The following CLVS1 variants were observed in gnomAD, a reference collection of about 807,000 sequenced individuals.
CLVS1 encodes clavesin-1.
CLVS1 carries 10 observed loss-of-function variants against 33.1 expected under a neutral mutation model. The ratio of observed to expected loss-of-function variants is 0.30; its 90% CI spans 0.19 to 0.51. CLVS1 has a LOEUF of 0.51. CLVS1 is among the 20% of genes least tolerant of loss of function. The pLI is 0.97. For synonymous variants in CLVS1, 163 were observed against 166.1 expected, an observed-to-expected ratio of 0.98 and a Z score of 0.14; for missense variants, 343 against 433.4, an observed-to-expected ratio of 0.79 and a Z score of 1.85.
rs748717372 is a variant in CLVS1, at chr8:61,454,158, C to A, written c.648C>A (p.Arg216=). The change falls in exon 4 of 6, where the codon CGC becomes CGA. Residue 216 remains arginine, a synonymous_variant. Transcript: ENST00000325897. Reference sequence around the variant, plus strand: ...TGCCCCAGGACAGCTTTCCTGCCCGCTTTGGAGGAGTCCACTTTGTCAACC... The same window carrying A: ...TGCCCCAGGACAGCTTTCCTGCCCGATTTGGAGGAGTCCACTTTGTCAACC... ...IEGLQDSFPA[R]FGGVHFVNQP... is the part of the protein sequence containing the mutation. 1 of 1,613,978 alleles carries A rather than the reference C, an allele frequency of 6.2e-7. No individual in the cohort carries two copies. The highest frequency in any genetic ancestry group is 2.2e-5 in the East Asian group (1 of 44,882).
At chr8:61,079,789 G>A (rs992083710) in intron 1 of CLVS1, among the ~76,000 whole-genome samples, 4 of 149,816 alleles carry the variant, frequency 2.7e-5, no homozygotes, top group African/African-American at 4.9e-5. Flanking sequence ...AAGCCATTAG[G>A]AAAAAAAAAA....
chr8:61,247,621 C>T (rs1436620784), intron 2 of CLVS1, among the ~76,000 whole-genome samples: 1 of 152,090 alleles, frequency 6.6e-6, no homozygotes. Context: ...CTGTTCATGT[C>T]CTTTGCCCAC....
the CLVS1 span, among the ~76,000 whole-genome samples, chr8:60,993,212 G>T: frequency 2.0e-5 from 3 of 152,226 alleles, no homozygotes; most frequent in African/African-American, 7.2e-5. Context: ...AGCCCAGCTT[G>T]CTCTCTAGAT....
At chr8:61,237,940 G>A (rs1369720119) in intron 2 of CLVS1, among the ~76,000 whole-genome samples, 1 of 152,112 alleles carries the variant, frequency 6.6e-6, no homozygotes. Flanking sequence ...GAGGAGACTG[G>A]GAGAGGGCAG....
At chr8:61,470,381 G>A (rs1341038323) in intron 5 of CLVS1, among the ~76,000 whole-genome samples, 1 of 152,224 alleles carries the variant, frequency 6.6e-6, no homozygotes, top group African/African-American at 2.4e-5. Flanking sequence ...AAGAAATAGA[G>A]TTGAATTAGA....
At chr8:61,136,676 G>C (rs895153734) in intron 2 of CLVS1, among the ~76,000 whole-genome samples, 2 of 152,136 alleles carry the variant, frequency 1.3e-5, no homozygotes, top group Admixed American at 1.3e-4. Context: ...CACACACCGG[G>C]GCCTTTTGGA....
chr8:61,363,800 A>G (rs767146180), intron 2 of CLVS1, among the ~76,000 whole-genome samples: 3 of 152,224 alleles, frequency 2.0e-5, no homozygotes, highest in Non-Finnish European at 4.4e-5. Flanking sequence ...AAGTAGGTCC[A>G]ATAGAGCTCT....
rs376185436 is a variant in CLVS1 at position 61,232,022 on chromosome 8, G to GTTTTTTTTTTTTTTTTTTTTTTTTTTT, written c.-151-67655_-151-67654insTTTTTTTTTTTTTTTTTTTTTTTTTTT. Among the ~76,000 whole-genome samples, 6 of 117,070 alleles carry GTTTTTTTTTTTTTTTTTTTTTTTTTTT rather than the reference G, an allele frequency of 5.1e-5. 1 individual carries two copies. Among genetic ancestry groups the GTTTTTTTTTTTTTTTTTTTTTTTTTTT allele is most frequent in the African/African-American group, 1.8e-4 (4 of 22,320 alleles). 76.8% of individuals were successfully genotyped at this position (117,070 alleles called of 152,430 possible). A position where few individuals can be genotyped will look rare whatever the true frequency, so the allele number is the denominator to read the frequency against. On this transcript the variant is annotated intron_variant, in intron 2 of 2. Coordinates refer to the CLVS1 transcript ENST00000522621. ...GAGAAGGAGCCCTGAGGAAAGTTGTGGTTTTTTTTTTTTTTTTTTTTTTTT... is the reference window on the plus strand; with the variant it reads ...GAGAAGGAGCCCTGAGGAAAGTTGTGTTTTTTTTTTTTTTTTTTTTTTTTTTTGTTTTTTTTTTTTTTTTTTTTTTTT...
chr8:61,391,249 A>G (rs1023168348), intron 3 of CLVS1: 1 of 152,232 alleles, frequency 6.6e-6, no homozygotes, highest in African/African-American at 2.4e-5. Context: ...AGTAATGCGA[A>G]TTTGCAGAGG....
At chr8:61,044,452 C>T in the CLVS1 span, among the ~76,000 whole-genome samples, 2 of 152,112 alleles carry the variant, frequency 1.3e-5, no homozygotes, top group African/African-American at 4.8e-5. Flanking sequence ...GAAAGTGGCA[C>T]ATCCTGGATT....
chr8:61,456,470 T>A (rs1252564052), intron 4 of CLVS1, among the ~76,000 whole-genome samples: 1 of 152,236 alleles, frequency 6.6e-6, no homozygotes, highest in African/African-American at 2.4e-5. Context: ...TATTTTGATA[T>A]ACTTTCTGAA....
the CLVS1 span, among the ~76,000 whole-genome samples, chr8:61,001,452 T>G: frequency 6.6e-6 from 1 of 152,248 alleles, no homozygotes; most frequent in Non-Finnish European, 1.5e-5. Context: ...GGAGATTACA[T>G]ACTTAATCTG....
At chr8:61,379,072 T>C (rs1813763158) in intron 3 of CLVS1, among the ~76,000 whole-genome samples, 2 of 152,120 alleles carry the variant, frequency 1.3e-5, no homozygotes, top group African/African-American at 4.8e-5. Flanking sequence ...AAAAGCCACA[T>C]GCTTCCTTCC....
At chr8:61,213,607 C>A (rs1239544424) in intron 2 of CLVS1, among the ~76,000 whole-genome samples, 1 of 152,040 alleles carries the variant, frequency 6.6e-6, no homozygotes, top group Non-Finnish European at 1.5e-5. Flanking sequence ...GGACACTTAT[C>A]ACTTCCCCAA....
At chr8:61,188,237 GC>G (rs1183108550) in intron 2 of CLVS1, among the ~76,000 whole-genome samples, 2 of 152,130 alleles carry the variant, frequency 1.3e-5, no homozygotes, top group Non-Finnish European at 2.9e-5. Flanking sequence ...GAATAAAACT[GC>G]AAATCTTGAA....
Position 61,059,475 on chromosome 8 carries a change from CATATATATATAT to C in CLVS1, c.-243+2259_-243+2270del, listed in dbSNP as rs56322834. ...ACACACACATATACATACATACATA[CATATATATATAT>C]ATATATATATATACACATATCTTGA... On this transcript the variant is annotated intron_variant, in intron 1 of 2. Coordinates refer to the CLVS1 transcript ENST00000522621. 8.2e-3 allele frequency among the ~76,000 whole-genome samples: 413 copies of C among 50,204 alleles called. 23 individuals are homozygous for C. Among genetic ancestry groups the C allele is most frequent in the Non-Finnish European group, 8.5e-3 (213 of 25,082 alleles). 32.9% of individuals were successfully genotyped at this position (50,204 alleles called of 152,430 possible).
chr8:61,238,495 C>T (rs1321410744), intron 2 of CLVS1, among the ~76,000 whole-genome samples: 2 of 152,176 alleles, frequency 1.3e-5, no homozygotes, highest in Non-Finnish European at 2.9e-5. Context: ...CTGTTCTGGG[C>T]CTGAGCTGCT....
At chr8:61,094,526 A>G (rs1681779453) in intron 1 of CLVS1, among the ~76,000 whole-genome samples, 2 of 152,190 alleles carry the variant, frequency 1.3e-5, no homozygotes, top group Admixed American at 1.3e-4. Context: ...GGTAACTGTT[A>G]TGTACTGAAT....
chr8:61,290,279 G>A (rs1261423324), intron 1 of CLVS1, among the ~76,000 whole-genome samples: 1 of 152,178 alleles, frequency 6.6e-6, no homozygotes, highest in Non-Finnish European at 1.5e-5. Flanking sequence ...TTTCTTGACT[G>A]AAATGTTATG....
Sources: allele counts gnomAD v4.1 joint callset (sites outside exome capture counted in the v4.1 genomes callset), GRCh38; gene constraint gnomAD v4.1.1; transcripts MANE v1.5; gene names NCBI Gene and HGNC (gene_info 2026-07-23, HGNC 2026-07-21).